Variants in ZC3HAV1 observed in about 807,000 individuals in gnomAD.
ZC3HAV1 encodes zinc finger CCCH-type antiviral protein 1.
ZC3HAV1 carries 41 observed loss-of-function variants against 86.6 expected under a neutral mutation model. The ratio of observed to expected loss-of-function variants is 0.47; its 90% CI spans 0.37 to 0.61. The LOEUF (loss-of-function observed/expected upper bound fraction) is 0.61. Ranked by LOEUF, ZC3HAV1 falls within the 20% of genes least tolerant of loss-of-function variation. The probability of loss-of-function intolerance (pLI) is 0.00; values close to 1 mark genes in which losing one functional copy is unlikely to be tolerated. For missense variants in ZC3HAV1, 964 were observed against 1,141.1 expected, an observed-to-expected ratio of 0.84 and a Z score of 2.24; for synonymous variants, 421 against 432.1, an observed-to-expected ratio of 0.97 and a Z score of 0.32.
intron 12 of ZC3HAV1, among the ~76,000 whole-genome samples, chr7:139,053,021 C>A (rs1441074402): frequency 6.6e-6 from 1 of 152,060 alleles, no homozygotes; most frequent in African/African-American, 2.4e-5. Context: ...ACCGAGGTGA[C>A]CCAGTGTGGC....
In ZC3HAV1 at chr7:139,044,472, A is replaced by C. The variant is rs1302137707; in HGVS notation, c.*3122T>G. On this transcript the variant is annotated 3_prime_UTR_variant, in exon 13 of 13. Transcript: ENST00000242351. ...TTCTTTTCTATTTCTCCTTAATAAG[A>C]GAGTTAGGGCATTAAATTGATTTTT... 1.3e-5 allele frequency: 2 copies of C among 152,166 alleles called. No individual in the cohort carries two copies. Among genetic ancestry groups the C allele is most frequent in the African/African-American group, 2.4e-5 (1 of 41,426 alleles). 9.4% of individuals were successfully genotyped at this position (152,166 alleles called of 1,614,324 possible).
Position 139,080,129 on chromosome 7 carries a change from G to A in ZC3HAV1, c.812C>T (p.Ser271Phe), listed in dbSNP as rs1305244532. 1.2e-6 allele frequency: 2 copies of A among 1,614,174 alleles called. No individual in the cohort carries two copies. Among genetic ancestry groups the A allele is most frequent in the East Asian group, 2.2e-5 (1 of 44,878 alleles). ...GATCTGATCTGGACTAGGTGTGCAG[G>A]ACCTCTCAGCAGACGCTGAAGCAGA... ...LASASASAERSCTPSPDQISH... is the reference protein window; with the variant it reads ...LASASASAERFCTPSPDQISH... Residue 271 changes from serine (S) to phenylalanine (F), a missense_variant, in exon 4 of 13, where the codon TCC (serine) becomes TTC (phenylalanine). Ser to Phe is a radical substitution (Grantham distance 155). Transcript: ENST00000242351.
chr7:139,106,207 A>G (rs1817931690), intron 1 of ZC3HAV1, among the ~76,000 whole-genome samples: 1 of 152,236 alleles, frequency 6.6e-6, no homozygotes, highest in South Asian at 2.1e-4. Flanking sequence ...TTGCTGTTTC[A>G]AACCAGGGAA....
chr7:139,073,266 T>G (rs10249473), intron 7 of ZC3HAV1, among the ~76,000 whole-genome samples: 1 of 151,508 alleles, frequency 6.6e-6, no homozygotes, highest in Non-Finnish European at 1.5e-5. Context: ...GCCATTGCAC[T>G]CCAGCATGGG....
At chr7:139,095,693 C>T (rs749476623) in intron 1 of ZC3HAV1, among the ~76,000 whole-genome samples, 7 of 152,162 alleles carry the variant, frequency 4.6e-5, no homozygotes, top group Non-Finnish European at 1.0e-4. Flanking sequence ...CAAACAGCAC[C>T]GGTGCCACCA....
chr7:139,079,341 C>A (rs1316324550), intron 4 of ZC3HAV1, 129 bp downstream of exon 4: 1 of 1,572,248 alleles, frequency 6.4e-7, no homozygotes, highest in South Asian at 1.1e-5. Context: ...GCCTTGACTG[C>A]CATTGTTAAG....
chr7:139,092,148 T>C (rs1446416624), intron 1 of ZC3HAV1, among the ~76,000 whole-genome samples: 2 of 152,328 alleles, frequency 1.3e-5, no homozygotes, highest in Middle Eastern at 3.4e-3. Context: ...AGGTGATAGA[T>C]GCGGGACTTT....
intron 1 of ZC3HAV1, among the ~76,000 whole-genome samples, chr7:139,091,989 T>TA (rs1370584705): frequency 6.6e-6 from 1 of 152,168 alleles, no homozygotes; most frequent in African/African-American, 2.4e-5. Flanking sequence ...AAGAAGGGGC[T>TA]AGATTTTCTT....
chr7:139,088,004 C>A (rs555344679), intron 2 of ZC3HAV1, among the ~76,000 whole-genome samples: 1 of 137,312 alleles, frequency 7.3e-6, no homozygotes, highest in African/African-American at 2.8e-5. Flanking sequence ...TGCACTACAG[C>A]CCGGGTGACA....
chr7:139,073,764 T>C, intron 7 of ZC3HAV1, 92 bp downstream of exon 7: 3 of 1,343,096 alleles, frequency 2.2e-6, no homozygotes, highest in Middle Eastern at 4.0e-4. Context: ...GTGCTGGGCT[T>C]ACAGGCATGA....
chr7:139,052,275 C>G (rs1816145644), intron 12 of ZC3HAV1, among the ~76,000 whole-genome samples: 1 of 94,066 alleles, frequency 1.1e-5, no homozygotes, highest in Admixed American at 1.4e-4. Flanking sequence ...GCTATCCCTC[C>G]CCCCACCCCC....
chr7:139,103,586 T>A (rs1282659436), intron 1 of ZC3HAV1, among the ~76,000 whole-genome samples: 1 of 152,196 alleles, frequency 6.6e-6, no homozygotes, highest in Non-Finnish European at 1.5e-5. Context: ...TCTGGAAAAG[T>A]TGAAGCTATG....
Position 139,080,016 on chromosome 7 carries a change from G to C in ZC3HAV1, c.925C>G (p.Pro309Ala), listed in dbSNP as rs757693893. The C allele has an allele frequency of 6.2e-7, 1 of 1,614,034 alleles. No individual in the cohort carries two copies. The highest frequency in any genetic ancestry group is 1.3e-5 in the African/African-American group (1 of 74,916). ...YLGSQDRARP[P>A]SGSSKATDLG... Reference sequence around the variant, plus strand: ...TCAGTAGCCTTGGACGAGCCTGAGGGAGGCCGAGCGCGATCCTGACTCCCC... The same window carrying C: ...TCAGTAGCCTTGGACGAGCCTGAGGCAGGCCGAGCGCGATCCTGACTCCCC... The change falls in exon 4 of 13, where the codon CCC (proline) becomes GCC (alanine). Residue 309 changes from proline (P) to alanine (A), a missense_variant. Physicochemically the swap from Pro to Ala is conservative, Grantham distance 27. Coordinates refer to ENST00000242351, the MANE Select transcript of ZC3HAV1 (RefSeq NM_020119.4).
At position 139,083,937 on chromosome 7, in the gene ZC3HAV1, C is replaced by G. The variant is rs746590346; in HGVS notation, c.540G>C (p.Gly180=). Residue 180 remains glycine, a synonymous_variant, in exon 3 of 13, where the codon GGG becomes GGC. Coordinates refer to ENST00000242351, the MANE Select transcript of ZC3HAV1 (RefSeq NM_020119.4). Reference sequence around the variant, plus strand: ...GGAGGCAGTTGGGAAAACGACAGTTCCCTCGGGTGAAGTGGTCACAGATGT... The same window carrying G: ...GGAGGCAGTTGGGAAAACGACAGTTGCCTCGGGTGAAGTGGTCACAGATGT... The part of the protein sequence containing the change: ...RLHICDHFTR[G]NCRFPNCLRS... The G allele has an allele frequency of 6.2e-7, 1 of 1,614,020 alleles. No homozygotes were observed. The highest frequency in any genetic ancestry group is 1.1e-5 in the South Asian group (1 of 91,076).
In ZC3HAV1 at chr7:139,085,745, G is replaced by T. The variant is rs529854024; in HGVS notation, c.445-1713C>A. Among the ~76,000 whole-genome samples, 157 of 152,240 alleles carry T rather than the reference G, an allele frequency of 1.0e-3. 1 individual carries two copies. Among genetic ancestry groups the T allele is most frequent in the African/African-American group, 3.5e-3 (145 of 41,540 alleles). ...ACAGTGGTTCAGGCTGGGCATGGTG[G>T]CTCACACCTGTAATCCCAGCACTTT... is the stretch of plus-strand genomic sequence containing the variant. On this transcript the variant is annotated intron_variant, in intron 2 of 12. Transcript: ENST00000242351.
rs1442305287 is a variant in ZC3HAV1 at position 139,044,732 on chromosome 7, T to G, written c.*2862A>C. On this transcript the variant is annotated 3_prime_UTR_variant, in exon 13 of 13. Coordinates refer to ENST00000242351, the MANE Select transcript of ZC3HAV1 (RefSeq NM_020119.4). ...AGTTCCTCACAATAAGAAATTACTC[T>G]GCACCCTATACGAATTTTGAATGTC... The G allele has an allele frequency of 6.6e-6, 1 of 152,654 alleles. No homozygotes were observed. Among genetic ancestry groups the G allele is most frequent in the Non-Finnish European group, 1.5e-5 (1 of 68,040 alleles). 9.5% of individuals were successfully genotyped at this position (152,654 alleles called of 1,614,324 possible).
At chr7:139,097,428 A>ATATATATATTTTTTT in intron 1 of ZC3HAV1, among the ~76,000 whole-genome samples, 1 of 48,160 alleles carries the variant, frequency 2.1e-5, no homozygotes. Flanking sequence ...ATATATATAT[A>ATATATATATTTTTTT]TTTTTTTTTT....
In ZC3HAV1 at chr7:139,072,434, A is replaced by G. The variant is rs6972146; in HGVS notation, c.1872+1422T>C. 2.0e-3 allele frequency among the ~76,000 whole-genome samples: 301 copies of G among 150,296 alleles called. 2 individuals are homozygous for G. The highest frequency in any genetic ancestry group is 6.8e-3 in the African/African-American group (271 of 39,936). ...CTCCTGACTTCAGGTGATCCACCCCACCTCGGCCTCCCAAAGTGCTGGGAT... is the reference window on the plus strand; with the variant it reads ...CTCCTGACTTCAGGTGATCCACCCCGCCTCGGCCTCCCAAAGTGCTGGGAT... On this transcript the variant is annotated intron_variant, in intron 7 of 12. Transcript: ENST00000242351.
Position 139,073,898 on chromosome 7 carries a change from A to G in ZC3HAV1, c.1830T>C (p.Tyr610=). ...TCCATGTGCCAGATTCATTCTTCCA[A>G]TACCAAATCCATTTGGTGGTGAAGA... ...NSVFTTKWIW[Y]WKNESGTWIQ... is the part of the protein sequence containing the mutation. Residue 610 remains tyrosine (Y), a synonymous_variant, in exon 7 of 13, where the codon TAT becomes TAC. Transcript: ENST00000242351. 1.2e-6 allele frequency: 2 copies of G among 1,613,802 alleles called. No homozygotes were observed. Among genetic ancestry groups the G allele is most frequent in the Non-Finnish European group, 1.7e-6 (2 of 1,179,794 alleles).
Sources: allele counts gnomAD v4.1 joint callset (sites outside exome capture counted in the v4.1 genomes callset), GRCh38; gene constraint gnomAD v4.1.1; transcripts MANE v1.5; gene names NCBI Gene and HGNC (gene_info 2026-07-23, HGNC 2026-07-21).